COL24A1: variants seen among roughly 807,000 people sequenced by gnomAD.
COL24A1 encodes collagen type XXIV alpha 1 chain.
COL24A1 carries 224 observed loss-of-function variants against 253.9 expected under a neutral mutation model. The observed-to-expected ratio is 0.88, with a 90% CI of 0.79 to 0.99. COL24A1 has a LOEUF of 0.99. Ranked by LOEUF, COL24A1 falls within the 50% of genes least tolerant of loss-of-function variation. The pLI, the probability that COL24A1 is intolerant of heterozygous loss-of-function variation, is 0.00. For missense variants in COL24A1, 2,131 were observed against 2,068.5 expected, an observed-to-expected ratio of 1.03 and a Z score of -0.59; for synonymous variants, 685 against 673.7, an observed-to-expected ratio of 1.02 and a Z score of -0.26.
intron 20 of COL24A1, among the ~76,000 whole-genome samples, chr1:85,976,736 G>A (rs1692721314): frequency 1.3e-5 from 2 of 152,264 alleles, no homozygotes; most frequent in Admixed American, 6.5e-5. Flanking sequence ...AGGATATTAT[G>A]GCAACTCATG....
At chr1:85,971,502 C>A in intron 20 of COL24A1, 109 bp from the exon 21 acceptor site, 1 of 929,782 alleles carries the variant, frequency 1.1e-6, no homozygotes, top group Non-Finnish European at 1.6e-6. Flanking sequence ...CATTCATTTC[C>A]CATTAAGAAG....
At chr1:85,772,857 GAAGCTCTT>G (rs1244081641) in intron 53 of COL24A1, among the ~76,000 whole-genome samples, 3 of 152,190 alleles carry the variant, frequency 2.0e-5, no homozygotes, top group Non-Finnish European at 4.4e-5. Context: ...TTGCTGTGCA[GAAGCTCTT>G]TAGTTTAATT....
Position 86,022,983 on chromosome 1 carries a change from T to C in COL24A1, c.2074A>G (p.Ile692Val). 1.2e-6 allele frequency: 2 copies of C among 1,613,212 alleles called. No individual in the cohort carries two copies. The highest frequency in any genetic ancestry group is 1.1e-5 in the South Asian group (1 of 91,004). ...LRGSVGPVGPIGPAGIPGPMG... is the reference protein window; with the variant it reads ...LRGSVGPVGPVGPAGIPGPMG... Reference sequence around the variant, plus strand: ...GGGCCAGGAATTCCAGCAGGTCCAATTGGTCCCACAGGGCCAACACTGCCC... The same window carrying C: ...GGGCCAGGAATTCCAGCAGGTCCAACTGGTCCCACAGGGCCAACACTGCCC... The change falls in exon 15 of 60, where the codon ATT becomes GTT. Residue 692 changes from isoleucine to valine, a missense_variant. Ile to Val is a conservative substitution (Grantham distance 29). Transcript: ENST00000370571.
At chr1:86,054,238 A>G (rs368411789) in intron 10 of COL24A1, among the ~76,000 whole-genome samples, 8 of 152,270 alleles carry the variant, frequency 5.3e-5, no homozygotes, top group South Asian at 2.1e-4. Context: ...CGGCCTAGGC[A>G]AAGAATTTGT....
At chr1:85,845,321 A>G (rs1570890471) in intron 39 of COL24A1, among the ~76,000 whole-genome samples, 3 of 151,988 alleles carry the variant, frequency 2.0e-5, no homozygotes, top group Admixed American at 2.0e-4. Context: ...AACATCTACT[A>G]TGGGATTATC....
rs534857297 is a variant in COL24A1 at position 85,825,284 on chromosome 1, T to G, written c.3682-1546A>C. Among the ~76,000 whole-genome samples the G allele has an allele frequency of 2.6e-5, 4 of 152,206 alleles. No homozygotes were observed. The South Asian group carries it at 6.2e-4, about 24-fold the overall frequency. On this transcript the variant is annotated intron_variant, in intron 43 of 59. Coordinates refer to ENST00000370571, the MANE Select transcript of COL24A1 (RefSeq NM_152890.7). ...TTTTTTATGGCTGCATAGTATTCCA[T>G]GGTGTATATGAGCCACATTTTCTTA...
chr1:85,879,249 GTGTGTGTGT>G (rs768990279), intron 32 of COL24A1, among the ~76,000 whole-genome samples: 43 of 77,228 alleles, frequency 5.6e-4, no homozygotes, highest in Admixed American at 3.1e-3. Context: ...TTTTGAGGGT[GTGTGTGTGT>G]GTGTGTGTGT....
At chr1:86,097,542 T>C (rs1262006819) in intron 5 of COL24A1, among the ~76,000 whole-genome samples, 1 of 8,964 alleles carries the variant, frequency 1.1e-4, no homozygotes, top group African/African-American at 3.2e-4. Flanking sequence ...TCCTCCTCCC[T>C]CCTCCCTCCT....
At chr1:85,757,395 A>C (rs1160970220) in intron 55 of COL24A1, among the ~76,000 whole-genome samples, 1 of 152,202 alleles carries the variant, frequency 6.6e-6, no homozygotes, top group Non-Finnish European at 1.5e-5. Context: ...AACAAAGGGC[A>C]AGATGAATAA....
chr1:85,885,377 GTATA>G (rs1553213698), intron 32 of COL24A1, among the ~76,000 whole-genome samples: 6 of 135,956 alleles, frequency 4.4e-5, no homozygotes, highest in South Asian at 2.2e-4. Flanking sequence ...ATTTTTGTGT[GTATA>G]TATATATATA....
chr1:85,923,402 T>C (rs1384388335), intron 24 of COL24A1, among the ~76,000 whole-genome samples: 4 of 152,100 alleles, frequency 2.6e-5, no homozygotes, highest in East Asian at 1.9e-4. Flanking sequence ...TATTCCAAAA[T>C]TGACCACATA....
At chr1:85,926,514 G>T (rs543823773) in intron 24 of COL24A1, among the ~76,000 whole-genome samples, 9 of 152,270 alleles carry the variant, frequency 5.9e-5, no homozygotes, top group African/African-American at 2.2e-4. Context: ...CATGTCCTTT[G>T]CAGGGACATG....
At chr1:86,057,295 A>G (rs1700736297) in intron 10 of COL24A1, among the ~76,000 whole-genome samples, 1 of 152,172 alleles carries the variant, frequency 6.6e-6, no homozygotes, top group Admixed American at 6.5e-5. Context: ...CCCTCACAAG[A>G]TGCAAATGCT....
intron 20 of COL24A1, among the ~76,000 whole-genome samples, chr1:85,977,183 A>G (rs1279278075): frequency 6.6e-6 from 1 of 152,196 alleles, no homozygotes; most frequent in Admixed American, 6.5e-5. Flanking sequence ...AGAGCACCAC[A>G]TCAAGGGATC....
intron 24 of COL24A1, among the ~76,000 whole-genome samples, chr1:85,952,445 T>C (rs1690026584): frequency 6.6e-6 from 1 of 152,232 alleles, no homozygotes; most frequent in African/African-American, 2.4e-5. Context: ...AGCAACACAA[T>C]TTGTCTGCTA....
intron 24 of COL24A1, among the ~76,000 whole-genome samples, chr1:85,938,754 G>C (rs766922057): frequency 1.6e-5 from 2 of 124,902 alleles, no homozygotes; most frequent in South Asian, 7.1e-4. Flanking sequence ...TAGTTCCAGA[G>C]AGCCTTCTTG....
At chr1:85,920,059 T>G (rs1558654640) in intron 24 of COL24A1, among the ~76,000 whole-genome samples, 1 of 152,194 alleles carries the variant, frequency 6.6e-6, no homozygotes, top group Non-Finnish European at 1.5e-5. Flanking sequence ...TATTTGTTCA[T>G]GTAACAGATC....
intron 55 of COL24A1, among the ~76,000 whole-genome samples, chr1:85,746,030 G>C (rs1665171636): frequency 6.6e-6 from 1 of 151,900 alleles, no homozygotes; most frequent in African/African-American, 2.4e-5. Flanking sequence ...AATACAGAAT[G>C]AAATCAATCT....
chr1:85,980,962 C>T (rs1302279780), intron 20 of COL24A1, among the ~76,000 whole-genome samples: 1 of 152,010 alleles, frequency 6.6e-6, no homozygotes, highest in African/African-American at 2.4e-5. Context: ...AAGACCTCTA[C>T]AAGAAAAACT....
Sources: allele counts gnomAD v4.1 joint callset (sites outside exome capture counted in the v4.1 genomes callset), GRCh38; gene constraint gnomAD v4.1.1; transcripts MANE v1.5; gene names NCBI Gene and HGNC (gene_info 2026-07-23, HGNC 2026-07-21).